The following SLITRK6 variants were observed in gnomAD, a reference collection of about 807,000 sequenced individuals.
SLITRK6 encodes SLIT and NTRK-like protein 6.
Under a neutral mutation model 55.6 loss-of-function variants are expected in SLITRK6, and 35 were observed. The observed-to-expected ratio is 0.63, with a 90% CI of 0.48 to 0.83. The LOEUF is 0.83. Ranked by LOEUF, SLITRK6 falls within the 40% of genes least tolerant of loss-of-function variation. The pLI is 0.00. For missense variants in SLITRK6, 977 were observed against 986.4 expected (o/e 0.99, Z 0.13); for synonymous variants, 392 against 359.6 (o/e 1.09, Z -1.02).
chr13:85,794,136 A>T lies in SLITRK6; in HGVS notation c.2373T>A (p.Pro791=). Residue 791 remains proline (P), a synonymous_variant, in exon 2 of 2, where the codon CCT becomes CCA. Coordinates refer to ENST00000647374, the MANE Select transcript of SLITRK6 (RefSeq NM_032229.3). ...TTAACTTCAGCTCTTCGTGGGCTCC[A>T]GGATAATGTGCCTCCATATCAGGCT... The part of the protein sequence containing the change: ...QLQPDMEAHY[P]GAHEELKLME... The T allele has an allele frequency of 6.2e-7, 1 of 1,613,140 alleles. No individual in the cohort carries two copies. Among genetic ancestry groups the T allele is most frequent in the Non-Finnish European group, 8.5e-7 (1 of 1,179,424 alleles).
At position 85,794,285 on chromosome 13, in the gene SLITRK6, G is replaced by T; in HGVS notation, c.2224C>A (p.Gln742Lys). 6.2e-7 allele frequency: 1 copy of T among 1,613,304 alleles called. No homozygotes were observed. Among genetic ancestry groups the T allele is most frequent in the Admixed American group, 1.7e-5 (1 of 59,910 alleles). ...GSNMKYKTTN[Q>K]STEFLSFQDA... ...TGGAAGGATAAAAATTCTGTTGATT[G>T]GTTCGTGGTTTTGTATTTCATATTT... is the stretch of plus-strand genomic sequence containing the variant. Residue 742 changes from glutamine to lysine, a missense_variant, in exon 2 of 2, where the codon CAA becomes AAA. Gln to Lys is a moderately conservative substitution (Grantham distance 53). Transcript: ENST00000647374.
Position 85,795,527 on chromosome 13 carries a change from A to G in SLITRK6, c.982T>C (p.Tyr328His), listed in dbSNP as rs368326877. The G allele has an allele frequency of 6.8e-6, 11 of 1,612,912 alleles. No homozygotes were observed. The highest frequency in any genetic ancestry group is 6.7e-5 in the African/African-American group (5 of 74,924). The change falls in exon 2 of 2, where the codon TAC (tyrosine) becomes CAC (histidine). Residue 328 changes from tyrosine (Y) to histidine (H), a missense_variant. By Grantham distance (83) the Tyr-to-His change is moderately conservative. Transcript: ENST00000647374. ...TKPSTQLPGP[Y>H]CPIPCNCKVL... ...TTGCAGTTACAAGGAATAGGGCAGTAAGGTCCTGGAAGTTGAGTGGATGGC... is the reference window on the plus strand; with the variant it reads ...TTGCAGTTACAAGGAATAGGGCAGTGAGGTCCTGGAAGTTGAGTGGATGGC...
At position 85,796,245 on chromosome 13, in the gene SLITRK6, G is replaced by A; in HGVS notation, c.264C>T (p.Thr88=). The change falls in exon 2 of 2, where the codon ACC becomes ACT. Residue 88 remains threonine (T), a synonymous_variant. Transcript: ENST00000647374. ...MLHTNDFSGL[T]NAISIHLGFN... is the part of the protein sequence containing the mutation. ...ATCCAAGGTGTATTGAAATAGCATT[G>A]GTAAGCCCAGAAAAGTCATTTGTGT... 1 of 1,612,782 alleles carries A rather than the reference G, an allele frequency of 6.2e-7. No homozygotes were observed. Among genetic ancestry groups the A allele is most frequent in the Non-Finnish European group, 8.5e-7 (1 of 1,179,350 alleles).
rs1874599053 is a variant in SLITRK6 at position 85,793,266 on chromosome 13, CATT to C, written c.*714_*716del. On this transcript the variant is annotated 3_prime_UTR_variant, in exon 2 of 2. Transcript: ENST00000647374. ...ATACTTTAGTTCACAGCAGCACTGA[CATT>C]AAAATTGTCTACACAAAATGTGTAG... is the stretch of plus-strand genomic sequence containing the variant. The C allele has an allele frequency of 6.6e-6, 1 of 151,864 alleles. No individual in the cohort carries two copies. Among genetic ancestry groups the C allele is most frequent in the Non-Finnish European group, 1.5e-5 (1 of 67,836 alleles). The allele number at this position is 151,864 out of a possible 1,614,324, so 9.4% of individuals were successfully genotyped here. A position where few individuals can be genotyped will look rare whatever the true frequency, so the allele number is the denominator to read the frequency against.
intron 1 of SLITRK6, among the ~76,000 whole-genome samples, chr13:85,798,430 AAC>A (rs1383965829): frequency 6.6e-6 from 1 of 152,028 alleles, no homozygotes; most frequent in Non-Finnish European, 1.5e-5. Context: ...TCTTTTCAGA[AAC>A]ACACACAGAT....
Position 85,795,524 on chromosome 13 carries a change from A to G in SLITRK6, c.985T>C (p.Cys329Arg). 4 of 1,612,968 alleles carry G rather than the reference A, an allele frequency of 2.5e-6. No homozygotes were observed. The South Asian group carries it at 4.4e-5, about 18-fold the overall frequency. ...ACTTTGCAGTTACAAGGAATAGGGC[A>G]GTAAGGTCCTGGAAGTTGAGTGGAT... is the stretch of plus-strand genomic sequence containing the variant. ...KPSTQLPGPY[C>R]PIPCNCKVLS... Residue 329 changes from cysteine (C) to arginine (R), a missense_variant, in exon 2 of 2, where the codon TGC becomes CGC. Coordinates refer to ENST00000647374, the MANE Select transcript of SLITRK6 (RefSeq NM_032229.3).
chr13:85,794,958 G>A lies in SLITRK6; in HGVS notation c.1551C>T (p.Asn517=), dbSNP rs1351971445. The change falls in exon 2 of 2, where the codon AAC becomes AAT. Residue 517 remains asparagine, a synonymous_variant. Transcript: ENST00000647374. ...CCAGGTCACAGGAGCAGTCCCAGGG[G>A]TTATCCTCAAGGTCAATCTGGGTTA... ...DLLTQIDLED[N]PWDCSCDLVG... 2.5e-6 allele frequency: 4 copies of A among 1,613,092 alleles called. No individual in the cohort carries two copies. In the East Asian group the frequency reaches 8.9e-5, roughly 36 times the overall value.
chr13:85,796,687 C>CTTTT (rs745384946), intron 1 of SLITRK6, among the ~76,000 whole-genome samples, 155 bp from the exon 2 acceptor site: 1 of 145,640 alleles, frequency 6.9e-6, no homozygotes, highest in Non-Finnish European at 1.5e-5. Flanking sequence ...TCATTTGTTT[C>CTTTT]TTTTTTTTTT....
chr13:85,796,476 A>G lies in SLITRK6; in HGVS notation c.33T>C (p.Ser11=). 3 of 1,565,486 alleles carry G rather than the reference A, an allele frequency of 1.9e-6. No individual in the cohort carries two copies. Among genetic ancestry groups the G allele is most frequent in the South Asian group, 2.4e-5 (2 of 82,742 alleles). ...AGTGTAAAGATATACAGGCAAGGAGAGATGAATAAAAGAGATGAATCCACA... is the reference window on the plus strand; with the variant it reads ...AGTGTAAAGATATACAGGCAAGGAGGGATGAATAAAAGAGATGAATCCACA... MKLWIHLFYS[S]LLACISLHSQ... Residue 11 remains serine (S), a synonymous_variant, in exon 2 of 2, where the codon TCT becomes TCC. Coordinates refer to ENST00000647374, the MANE Select transcript of SLITRK6 (RefSeq NM_032229.3).
chr13:85,792,870 A>G lies in SLITRK6; in HGVS notation c.*1113T>C, dbSNP rs1446249976. On this transcript the variant is annotated 3_prime_UTR_variant, in exon 2 of 2. Coordinates refer to ENST00000647374, the MANE Select transcript of SLITRK6 (RefSeq NM_032229.3). ...CCAAGAATAATTACTTTTGTGAACC[A>G]AAACTATATAAAACTGTACAGAATA... The G allele has an allele frequency of 6.6e-6, 1 of 152,150 alleles. No homozygotes were observed. The highest frequency in any genetic ancestry group is 1.5e-5 in the Non-Finnish European group (1 of 67,784). The allele number at this position is 152,150 out of a possible 1,614,324, so 9.4% of individuals were successfully genotyped here.
At chr13:85,797,850 A>T in intron 1 of SLITRK6, among the ~76,000 whole-genome samples, 1 of 151,884 alleles carries the variant, frequency 6.6e-6, no homozygotes, top group East Asian at 1.9e-4. Flanking sequence ...TATACTTTAA[A>T]CTTATATAAA....
Position 85,795,379 on chromosome 13 carries a change from C to T in SLITRK6, c.1130G>A (p.Ser377Asn). The stretch of plus-strand genomic sequence containing the variant: ...TTCCACTAGATCAGACTTCATTAAA[C>T]TGTGAATAATATTTCCCGCTAGAAT... ...KLILAGNIIH[S>N]LMKSDLVEYF... is the part of the protein sequence containing the mutation. The change falls in exon 2 of 2, where the codon AGT becomes AAT. Residue 377 changes from serine to asparagine, a missense_variant. By Grantham distance (46) the Ser-to-Asn change is conservative. Transcript: ENST00000647374. The T allele has an allele frequency of 1.9e-6, 3 of 1,612,740 alleles. No homozygotes were observed. The highest frequency in any genetic ancestry group is 2.2e-5 in the East Asian group (1 of 44,810).
At chr13:85,797,640 A>G (rs936319980) in intron 1 of SLITRK6, among the ~76,000 whole-genome samples, 2 of 151,756 alleles carry the variant, frequency 1.3e-5, no homozygotes, top group Non-Finnish European at 2.9e-5. Context: ...ACCATATTAA[A>G]CTTTTTGATG....
In SLITRK6 at chr13:85,795,509, T is replaced by C. The variant is rs1289161969; in HGVS notation, c.1000A>G (p.Asn334Asp). 6.2e-7 allele frequency: 1 copy of C among 1,613,014 alleles called. No individual in the cohort carries two copies. The highest frequency in any genetic ancestry group is 1.1e-5 in the South Asian group (1 of 91,066). ...LPGPYCPIPC[N>D]CKVLSPSGLL... ...CCTGATGGGGATAGGACTTTGCAGTTACAAGGAATAGGGCAGTAAGGTCCT... is the reference window on the plus strand; with the variant it reads ...CCTGATGGGGATAGGACTTTGCAGTCACAAGGAATAGGGCAGTAAGGTCCT... The change falls in exon 2 of 2, where the codon AAC becomes GAC. Residue 334 changes from asparagine to aspartate, a missense_variant. By Grantham distance (23) the Asn-to-Asp change is conservative. Coordinates refer to ENST00000647374, the MANE Select transcript of SLITRK6 (RefSeq NM_032229.3).
chr13:85,796,993 T>G (rs1320930374), intron 1 of SLITRK6, among the ~76,000 whole-genome samples: 3 of 151,618 alleles, frequency 2.0e-5, no homozygotes, highest in Non-Finnish European at 4.4e-5. Flanking sequence ...TAGAGAACTG[T>G]AGGGAATGTA....
chr13:85,794,856 A>G lies in SLITRK6; in HGVS notation c.1653T>C (p.His551=), dbSNP rs1347995027. The change falls in exon 2 of 2, where the codon CAT becomes CAC. Residue 551 remains histidine (H), a synonymous_variant. Transcript: ENST00000647374. ...TDDILCTSPG[H]LDKKELKALN... The stretch of plus-strand genomic sequence containing the variant: ...GGGCTTTCAATTCCTTTTTGTCGAG[A>G]TGCCCGGGGGAAGTGCAGAGGATGT... 1 of 1,612,936 alleles carries G rather than the reference A, an allele frequency of 6.2e-7. No homozygotes were observed. Among genetic ancestry groups the G allele is most frequent in the African/African-American group, 1.3e-5 (1 of 74,806 alleles).
chr13:85,794,704 G>GT lies in SLITRK6; in HGVS notation c.1804dup (p.Thr602AsnfsTer45). On this transcript the variant is annotated frameshift_variant, in exon 2 of 2. Transcript: ENST00000647374. LOFTEE classifies it high-confidence loss of function. ...TAGAACAGACAGTGGCACAGCGTCC[G>GT]TAAGAGATCGTAAAATAGTATCAGC... 6.2e-7 allele frequency: 1 copy of GT among 1,613,250 alleles called. No individual in the cohort carries two copies.
chr13:85,796,434 G>C lies in SLITRK6; in HGVS notation c.75C>G (p.Leu25=), dbSNP rs772547368. The part of the protein sequence containing the change: ...CISLHSQTPV[L]SSRGSCDSLC... Reference sequence around the variant, plus strand: ...GAGAATCACAAGAGCCTCTGGATGAGAGCACTGGAGTTTGGGAGTGTAAAG... The same window carrying C: ...GAGAATCACAAGAGCCTCTGGATGACAGCACTGGAGTTTGGGAGTGTAAAG... The change falls in exon 2 of 2, where the codon CTC becomes CTG. Residue 25 remains leucine, a synonymous_variant. Coordinates refer to ENST00000647374, the MANE Select transcript of SLITRK6 (RefSeq NM_032229.3). 9.3e-6 allele frequency: 15 copies of C among 1,608,618 alleles called. No individual in the cohort carries two copies. Among genetic ancestry groups the C allele is most frequent in the Admixed American group, 3.4e-5 (2 of 58,880 alleles).
chr13:85,795,327 C>CT lies in SLITRK6; in HGVS notation c.1181_1182insA (p.Asn396LysfsTer5). On this transcript the variant is annotated frameshift_variant, in exon 2 of 2. Transcript: ENST00000647374. LOFTEE classifies it high-confidence loss of function. The stretch of plus-strand genomic sequence containing the variant: ...CAAGAACTTCAATACGATTGTTTCC[C>CT]AAGTGAAGCATTTCCAAAGTGAAAT... 2 of 1,612,642 alleles carry CT rather than the reference C, an allele frequency of 1.2e-6. No homozygotes were observed. Among genetic ancestry groups the CT allele is most frequent in the Non-Finnish European group, 1.7e-6 (2 of 1,179,330 alleles).
Sources: gnomAD v4.1 joint callset for allele counts (sites outside exome capture counted in the v4.1 genomes callset) on GRCh38, gnomAD v4.1.1 for gene constraint, MANE v1.5 for transcripts, NCBI Gene and HGNC (gene_info 2026-07-23, HGNC 2026-07-21) for gene names.